The following CTNNA3 variants were observed in gnomAD, a reference collection of about 807,000 sequenced individuals.
CTNNA3 encodes the protein catenin alpha 3, also known as catenin alpha-3.
Under a neutral mutation model 95.7 loss-of-function variants are expected in CTNNA3, and 76 were observed. That is an observed-to-expected ratio of 0.79 (90% CI 0.66 to 0.96). CTNNA3 has a LOEUF of 0.96. Among genes scored for constraint, CTNNA3 ranks in the 40% least tolerant of loss-of-function variants. The pLI, the probability that CTNNA3 is intolerant of heterozygous loss-of-function variation, is 0.00. For synonymous variants in CTNNA3, 431 were observed against 374.4 expected (o/e 1.15, Z -1.74); for missense variants, 1,191 against 1,089.8 (o/e 1.09, Z -1.31).
intron 6 of CTNNA3, among the ~76,000 whole-genome samples, chr10:67,211,990 A>C (rs1864159546): frequency 6.6e-6 from 1 of 152,094 alleles, no homozygotes; most frequent in African/African-American, 2.4e-5. Context: ...TAGTACCTTA[A>C]ATTTGTATTA....
intron 5 of CTNNA3, among the ~76,000 whole-genome samples, chr10:67,228,843 C>CA (rs1484488183): frequency 6.6e-6 from 1 of 151,936 alleles, no homozygotes; most frequent in African/African-American, 2.4e-5. Flanking sequence ...AAATTACCAA[C>CA]AAAAAAATCC....
intron 5 of CTNNA3, among the ~76,000 whole-genome samples, chr10:67,233,626 T>A (rs1246018514): frequency 3.4e-5 from 5 of 145,522 alleles, no homozygotes; most frequent in African/African-American, 1.3e-4. Flanking sequence ...GCAAACACAT[T>A]CAAAAGCTAG....
intron 9 of CTNNA3, among the ~76,000 whole-genome samples, chr10:66,752,222 A>T (rs1463092400): frequency 2.0e-5 from 3 of 152,142 alleles, no homozygotes; most frequent in Non-Finnish European, 4.4e-5. Context: ...TTTTAAAGAC[A>T]ATCTTGAATA....
Position 66,526,702 on chromosome 10 carries a change from T to C in CTNNA3, c.1375-5929A>G, listed in dbSNP as rs72793642. 2.0e-3 allele frequency among the ~76,000 whole-genome samples: 305 copies of C among 152,336 alleles called. 2 individuals carry two copies. The highest frequency in any genetic ancestry group is 3.2e-3 in the Non-Finnish European group (219 of 68,032). On this transcript the variant is annotated intron_variant, in intron 10 of 17. Transcript: ENST00000433211. ...ATGTTTGCATTTCCCTAATGATTAATGATGCTGAACATCTTTTCATGTGCT... is the reference window on the plus strand; with the variant it reads ...ATGTTTGCATTTCCCTAATGATTAACGATGCTGAACATCTTTTCATGTGCT...
chr10:67,517,514 G>GA (rs997538584), intron 5 of CTNNA3, among the ~76,000 whole-genome samples: 13 of 150,522 alleles, frequency 8.6e-5, no homozygotes, highest in South Asian at 4.2e-4. Context: ...TTTAGTAAAA[G>GA]AAAAAAAAAG....
intron 5 of CTNNA3, among the ~76,000 whole-genome samples, chr10:67,492,107 G>T (rs918826933): frequency 8.6e-5 from 13 of 151,962 alleles, no homozygotes; most frequent in African/African-American, 2.9e-4. Context: ...TTACTCTATA[G>T]AGTATACAGA....
At chr10:66,415,826 G>T (rs1260410820) in intron 11 of CTNNA3, among the ~76,000 whole-genome samples, 2 of 152,076 alleles carry the variant, frequency 1.3e-5, no homozygotes, top group African/African-American at 2.4e-5. Context: ...CAACACCACA[G>T]ATTCTTCCTC....
At chr10:66,366,730 G>T (rs1446511625) in intron 12 of CTNNA3, among the ~76,000 whole-genome samples, 1 of 152,070 alleles carries the variant, frequency 6.6e-6, no homozygotes, top group Admixed American at 6.6e-5. Flanking sequence ...GATGAACTGA[G>T]ATGGTCTAAT....
chr10:67,717,274 T>A (rs185027694), intron 1 of CTNNA3, among the ~76,000 whole-genome samples: 1 of 152,332 alleles, frequency 6.6e-6, no homozygotes, highest in Admixed American at 6.5e-5. Context: ...GGTTGCCTCT[T>A]CCCTCTGAAG....
chr10:67,130,201 T>A (rs1215444698), intron 7 of CTNNA3, among the ~76,000 whole-genome samples: 1 of 151,872 alleles, frequency 6.6e-6, no homozygotes, highest in African/African-American at 2.4e-5. Context: ...CTACTAAGAG[T>A]GCCATCTTTC....
intron 12 of CTNNA3, among the ~76,000 whole-genome samples, chr10:66,352,440 G>A (rs1007016760): frequency 6.6e-6 from 1 of 152,124 alleles, no homozygotes; most frequent in Non-Finnish European, 1.5e-5. Flanking sequence ...TCATAATAAA[G>A]GAAGAGGACT....
intron 7 of CTNNA3, among the ~76,000 whole-genome samples, chr10:66,997,229 A>G (rs1851404944): frequency 6.6e-6 from 1 of 152,212 alleles, no homozygotes; most frequent in African/African-American, 2.4e-5. Flanking sequence ...TGTGACTCAC[A>G]TATCCTATTC....
At chr10:66,832,665 T>C (rs1219038343) in intron 7 of CTNNA3, among the ~76,000 whole-genome samples, 1 of 151,910 alleles carries the variant, frequency 6.6e-6, no homozygotes, top group Non-Finnish European at 1.5e-5. Context: ...GGTTTTTTTA[T>C]GACCCAACTC....
At chr10:67,591,069 T>C (rs1842775519) in intron 3 of CTNNA3, among the ~76,000 whole-genome samples, 1 of 152,140 alleles carries the variant, frequency 6.6e-6, no homozygotes, top group Non-Finnish European at 1.5e-5. Flanking sequence ...TGACTTTTTG[T>C]CTATAGTTAT....
chr10:66,572,741 T>A (rs1308387311), intron 10 of CTNNA3, among the ~76,000 whole-genome samples: 1 of 152,122 alleles, frequency 6.6e-6, no homozygotes, highest in African/African-American at 2.4e-5. Context: ...TTTAAAAGAA[T>A]CCATCAGTCT....
chr10:67,037,043 T>C (rs1854104321), intron 7 of CTNNA3, among the ~76,000 whole-genome samples: 1 of 152,186 alleles, frequency 6.6e-6, no homozygotes, highest in Non-Finnish European at 1.5e-5. Context: ...GTTCCGGGGC[T>C]ACCTGGAGAC....
intron 1 of CTNNA3, among the ~76,000 whole-genome samples, chr10:67,664,002 G>T (rs1840266568): frequency 6.6e-6 from 1 of 152,144 alleles, no homozygotes; most frequent in Non-Finnish European, 1.5e-5. Context: ...TTACAAGTTA[G>T]ATCAATCCAG....
At chr10:67,215,270 A>AAATATT (rs1864306396) in intron 6 of CTNNA3, among the ~76,000 whole-genome samples, 3 of 151,956 alleles carry the variant, frequency 2.0e-5, no homozygotes, top group Non-Finnish European at 4.4e-5. Context: ...TGTTTCTTCA[A>AAATATT]CATATTCATT....
rs10997065 is a variant in CTNNA3, at chr10:66,329,062, G to T, written c.1733-48441C>A. Among the ~76,000 whole-genome samples the T allele has an allele frequency of 4.6e-4, 69 of 150,064 alleles. 1 individual carries two copies. In the South Asian group the frequency reaches 0.014, roughly 31 times the overall value. The stretch of plus-strand genomic sequence containing the variant: ...GCCTCCGGAATTCAAGCAATTCTCC[G>T]GCCTCAGCCTCTCGAGTAGCTGGGA... On this transcript the variant is annotated intron_variant, in intron 12 of 17. Coordinates refer to ENST00000433211, the MANE Select transcript of CTNNA3 (RefSeq NM_013266.4).
Sources: allele counts gnomAD v4.1 joint callset (sites outside exome capture counted in the v4.1 genomes callset), GRCh38; gene constraint gnomAD v4.1.1; transcripts MANE v1.5; gene names NCBI Gene and HGNC (gene_info 2026-07-23, HGNC 2026-07-21).